PDLIM1: variants seen among roughly 807,000 people sequenced by gnomAD.
The protein encoded by PDLIM1 is PDZ and LIM domain 1.
In PDLIM1, 25 loss-of-function variants were observed where a neutral mutation model predicts 35.2. The observed-to-expected ratio is 0.71, with a 90% CI of 0.52 to 0.99. The LOEUF (loss-of-function observed/expected upper bound fraction) is 0.99, where lower values mean the gene tolerates loss of function less well. PDLIM1 is among the 50% of genes least tolerant of loss of function. The pLI, the probability that PDLIM1 is intolerant of heterozygous loss-of-function variation, is 0.00. For synonymous variants in PDLIM1, 152 were observed against 154.0 expected (o/e 0.99, Z 0.10); for missense variants, 363 against 415.3 (o/e 0.87, Z 1.09).
chr10:95,247,436 TC>T, intron 4 of PDLIM1, 70 bp from the exon 5 acceptor site: 1 of 1,293,564 alleles, frequency 7.7e-7, no homozygotes, highest in Non-Finnish European at 1.1e-6. Context: ...AGGAACCTCC[TC>T]CAGGCAGACA....
Position 95,290,703 on chromosome 10 carries a change from C to A in PDLIM1, c.96+117G>T. 1 of 552,506 alleles carries A rather than the reference C, an allele frequency of 1.8e-6. No individual in the cohort carries two copies. 34.2% of individuals were successfully genotyped at this position (552,506 alleles called of 1,614,324 possible). On this transcript the variant is annotated intron_variant, in intron 1 of 6. Transcript: ENST00000329399. This position sits in a 1 kb window ranked among gnomAD's most constrained non-coding sequence, Gnocchi z 4.7. The stretch of plus-strand genomic sequence containing the variant: ...CGGAGAGCGCTCAACTAACAGCGCA[C>A]CTGGACGCGCCCGGCTGCGGTTCCG...
intron 4 of PDLIM1, among the ~76,000 whole-genome samples, chr10:95,255,325 A>T (rs1483359315): frequency 1.0e-4 from 5 of 48,822 alleles, no homozygotes; most frequent in African/African-American, 2.7e-4. Context: ...CAAAGATACT[A>T]AAAAAAAAAA....
At chr10:95,267,137 A>G (rs1032885554) in intron 3 of PDLIM1, among the ~76,000 whole-genome samples, 3 of 152,248 alleles carry the variant, frequency 2.0e-5, no homozygotes, top group Non-Finnish European at 2.9e-5. Context: ...GAAAAATACA[A>G]GGGTTTAAAG....
chr10:95,289,383 G>A (rs994382434), intron 1 of PDLIM1, among the ~76,000 whole-genome samples: 1 of 152,202 alleles, frequency 6.6e-6, no homozygotes, highest in East Asian at 1.9e-4. Flanking sequence ...AATTAGGCTG[G>A]TGGCTGGAAA....
chr10:95,242,558 G>A (rs528705159), intron 5 of PDLIM1, among the ~76,000 whole-genome samples: 2 of 152,014 alleles, frequency 1.3e-5, no homozygotes, highest in African/African-American at 4.8e-5. Flanking sequence ...ATTGTGGGAC[G>A]TGCCTGTAGT....
intron 1 of PDLIM1, among the ~76,000 whole-genome samples, chr10:95,287,084 G>A (rs1347389967): frequency 5.3e-5 from 8 of 152,208 alleles, no homozygotes; most frequent in African/African-American, 1.9e-4. Flanking sequence ...GGGTGATAAT[G>A]TAGTATGGGC....
At chr10:95,252,078 G>A (rs2133416494) in intron 4 of PDLIM1, among the ~76,000 whole-genome samples, 1 of 152,298 alleles carries the variant, frequency 6.6e-6, no homozygotes, top group East Asian at 1.9e-4. Context: ...GGCCAAGTGG[G>A]GGGTCCAGAC....
Position 95,237,993 on chromosome 10 carries a change from C to T in PDLIM1, c.922G>A (p.Glu308Lys), listed in dbSNP as rs2035141192. ...GTGACTCGCTCCCGGGCATGCTTCT[C>T]ACAGTAGATTTGATCCTCCACAAAG... ...HFFVEDQIYCEKHARERVTPP... is the reference protein window; with the variant it reads ...HFFVEDQIYCKKHARERVTPP... The change falls in exon 7 of 7, where the codon GAG becomes AAG. Residue 308 changes from glutamate (E) to lysine (K), a missense_variant. Coordinates refer to ENST00000329399, the MANE Select transcript of PDLIM1 (RefSeq NM_020992.4). The T allele has an allele frequency of 2.5e-6, 4 of 1,614,210 alleles. No individual in the cohort carries two copies. The Middle Eastern group carries it at 4.9e-4, about 200-fold the overall frequency.
intron 1 of PDLIM1, among the ~76,000 whole-genome samples, chr10:95,281,404 C>T (rs1202376978): frequency 6.6e-6 from 1 of 152,056 alleles, no homozygotes; most frequent in Non-Finnish European, 1.5e-5. Context: ...CACAGTGGGA[C>T]CCTGTCTGAA....
At chr10:95,238,451 T>G in intron 6 of PDLIM1, 117 bp downstream of exon 6, 1 of 748,114 alleles carries the variant, frequency 1.3e-6, no homozygotes, top group South Asian at 1.6e-5. Flanking sequence ...TGTTGCATTT[T>G]TCCAGGAGGG....
intron 1 of PDLIM1, among the ~76,000 whole-genome samples, chr10:95,273,792 C>T (rs932482192): frequency 3.9e-5 from 6 of 152,136 alleles, no homozygotes; most frequent in Non-Finnish European, 7.3e-5. Flanking sequence ...CTGAGTCATC[C>T]AGTGCATGCA....
At chr10:95,249,885 T>C (rs1042635713) in intron 4 of PDLIM1, among the ~76,000 whole-genome samples, 1 of 152,162 alleles carries the variant, frequency 6.6e-6, no homozygotes, top group Non-Finnish European at 1.5e-5. Context: ...GATTCATGGG[T>C]TGGTCACTCC....
intron 4 of PDLIM1, among the ~76,000 whole-genome samples, chr10:95,258,852 A>AG (rs968419055): frequency 1.3e-5 from 2 of 152,214 alleles, no homozygotes; most frequent in Non-Finnish European, 2.9e-5. Context: ...CCCATAAAAC[A>AG]GAAAAAAAAG....
chr10:95,261,148 T>G (rs1564601611), intron 4 of PDLIM1, among the ~76,000 whole-genome samples: 1 of 152,276 alleles, frequency 6.6e-6, no homozygotes, highest in East Asian at 1.9e-4. Flanking sequence ...AGCCACCTGG[T>G]AGTTTCAGAC....
chr10:95,251,651 G>A (rs1318129493), intron 4 of PDLIM1, among the ~76,000 whole-genome samples: 1 of 152,178 alleles, frequency 6.6e-6, no homozygotes, highest in Non-Finnish European at 1.5e-5. Flanking sequence ...GAATAGAAAC[G>A]GGGATTACGT....
chr10:95,283,236 T>G (rs1299438553), intron 1 of PDLIM1, among the ~76,000 whole-genome samples: 2 of 152,172 alleles, frequency 1.3e-5, no homozygotes, highest in Non-Finnish European at 2.9e-5. Context: ...TTTTTAATAT[T>G]TAATAGTTTA....
At chr10:95,257,930 T>C (rs1029593033) in intron 4 of PDLIM1, among the ~76,000 whole-genome samples, 6 of 152,184 alleles carry the variant, frequency 3.9e-5, no homozygotes, top group African/African-American at 1.4e-4. Flanking sequence ...TGTGTTTTCA[T>C]GCCGCAGATA....
chr10:95,263,348 C>G (rs2035382892), intron 4 of PDLIM1, among the ~76,000 whole-genome samples: 1 of 152,126 alleles, frequency 6.6e-6, no homozygotes, highest in African/African-American at 2.4e-5. Context: ...CCTCAGGGAC[C>G]TCTCTTCTTT....
intron 1 of PDLIM1, 64 bp from the exon 2 acceptor site, chr10:95,271,848 G>T: frequency 6.6e-7 from 1 of 1,513,080 alleles, no homozygotes; most frequent in Non-Finnish European, 9.0e-7. Context: ...TTACCACCAA[G>T]TTAAGTATTC....
Sources: allele counts gnomAD v4.1 joint callset (sites outside exome capture counted in the v4.1 genomes callset), GRCh38; gene constraint gnomAD v4.1.1; non-coding constraint Gnocchi (gnomAD v3.1); transcripts MANE v1.5; gene names NCBI Gene and HGNC (gene_info 2026-07-23, HGNC 2026-07-21).